PCDHGB6: variants seen among roughly 807,000 people sequenced by gnomAD.
The protein encoded by PCDHGB6 is protocadherin gamma-B6.
PCDHGB6 carries 51 observed loss-of-function variants against 59.1 expected under a neutral mutation model. That is an observed-to-expected ratio of 0.86 (90% CI 0.69 to 1.09). The LOEUF is 1.09. Ranked by LOEUF, PCDHGB6 falls within the 50% of genes least tolerant of loss-of-function variation. The pLI is 0.00. For missense variants in PCDHGB6, 1,148 were observed against 1,205.1 expected (o/e 0.95, Z 0.70); for synonymous variants, 466 against 495.1 (o/e 0.94, Z 0.78).
chr5:141,511,462 C>T lies in PCDHGB6; in HGVS notation c.*289C>T, dbSNP rs1385398410. On this transcript the variant is annotated 3_prime_UTR_variant, in exon 4 of 4. Transcript: ENST00000520790. Reference sequence around the variant, plus strand: ...AGACACCAAGAACCATTTGCCACACCCCGTTTAGTTACAGCTGAACTCCTC... The same window carrying T: ...AGACACCAAGAACCATTTGCCACACTCCGTTTAGTTACAGCTGAACTCCTC... 5.4e-6 allele frequency: 3 copies of T among 556,350 alleles called. No individual in the cohort carries two copies. In the South Asian group the frequency reaches 6.3e-5, roughly 12 times the overall value. 34.5% of individuals were successfully genotyped at this position (556,350 alleles called of 1,614,324 possible).
At position 141,511,140 on chromosome 5, in the gene PCDHGB6, C is replaced by G. The variant is rs1405623579; in HGVS notation, c.2760C>G (p.Asn920Lys). Residue 920 changes from asparagine (N) to lysine (K), a missense_variant, in exon 4 of 4, where the codon AAC becomes AAG. Physicochemically the swap from Asn to Lys is moderately conservative, Grantham distance 94. Transcript: ENST00000520790. ...AGGCCCCAGCAGGTGGCAATGGCAACAAGAAGAAGTCGGGCAAGAAGGAGA... is the reference window on the plus strand; with the variant it reads ...AGGCCCCAGCAGGTGGCAATGGCAAGAAGAAGAAGTCGGGCAAGAAGGAGA... Reference protein sequence around the residue: ...DGKAPAGGNGNKKKSGKKEKK With the variant: ...DGKAPAGGNGKKKKSGKKEKK 2.5e-6 allele frequency: 4 copies of G among 1,614,068 alleles called. No homozygotes were observed. Among genetic ancestry groups the G allele is most frequent in the Admixed American group, 1.7e-5 (1 of 60,008 alleles).
intron 1 of PCDHGB6, among the ~76,000 whole-genome samples, chr5:141,450,145 T>A (rs2098671113): frequency 6.6e-6 from 1 of 151,890 alleles, no homozygotes; most frequent in South Asian, 2.1e-4. Flanking sequence ...TAGCTGGGAC[T>A]ACAGGCATGT....
chr5:141,426,491 G>A, intron 1 of PCDHGB6: 1 of 336,822 alleles, frequency 3.0e-6, no homozygotes, highest in South Asian at 2.4e-5. Flanking sequence ...CTTAGAGTTA[G>A]TGCAGAGAAA....
At chr5:141,480,205 A>G (rs2099514310) in intron 1 of PCDHGB6, among the ~76,000 whole-genome samples, 1 of 151,108 alleles carries the variant, frequency 6.6e-6, no homozygotes, top group Admixed American at 6.6e-5. Flanking sequence ...GCAGTTCAAG[A>G]CCAGCCTGAG....
chr5:141,492,396 A>G (rs1400291073), intron 1 of PCDHGB6, among the ~76,000 whole-genome samples: 1 of 152,188 alleles, frequency 6.6e-6, no homozygotes, highest in Non-Finnish European at 1.5e-5. Flanking sequence ...GTCCACTCGC[A>G]GCTCCCCTCT....
intron 1 of PCDHGB6, chr5:141,423,851 C>A (rs1311833319): frequency 2.4e-6 from 3 of 1,275,940 alleles, no homozygotes; most frequent in East Asian, 3.1e-5. Context: ...TCTTTCAGAA[C>A]GTTTTTGTGA....
intron 1 of PCDHGB6, among the ~76,000 whole-genome samples, chr5:141,433,974 C>A (rs1045247496): frequency 6.6e-6 from 1 of 152,026 alleles, no homozygotes; most frequent in Non-Finnish European, 1.5e-5. Context: ...GGCTTTCTAC[C>A]TTGAAGAAGA....
In PCDHGB6 at chr5:141,415,309, G is replaced by C. The variant is rs199689792; in HGVS notation, c.2418+4689G>C. 3.4e-5 allele frequency: 55 copies of C among 1,614,098 alleles called. No homozygotes were observed. Among genetic ancestry groups the C allele is most frequent in the Middle Eastern group, 1.6e-4 (1 of 6,084 alleles). On this transcript the variant is annotated intron_variant, in intron 1 of 3. Transcript: ENST00000520790. ...GGTCTCCTGCGTCTTCCTGGCCTTC[G>C]TCATCGTGCTGCTGGCGCACAGGCT...
chr5:141,433,837 CAAA>C (rs56191208), intron 1 of PCDHGB6, among the ~76,000 whole-genome samples: 5 of 111,684 alleles, frequency 4.5e-5, no homozygotes, highest in Admixed American at 2.0e-4. Flanking sequence ...AACTCTATCT[CAAA>C]AAAAAAAAAA....
At chr5:141,466,104 AGAGT>A (rs2154569127) in intron 1 of PCDHGB6, among the ~76,000 whole-genome samples, 1 of 152,144 alleles carries the variant, frequency 6.6e-6, no homozygotes, top group Admixed American at 6.5e-5. Flanking sequence ...CCTGGGCAAC[AGAGT>A]GAGACTCCAG....
Position 141,409,776 on chromosome 5 carries a change from T to C in PCDHGB6, c.1574T>C (p.Leu525Pro). The C allele has an allele frequency of 6.2e-7, 1 of 1,612,708 alleles. No homozygotes were observed. Among genetic ancestry groups the C allele is most frequent in the Non-Finnish European group, 8.5e-7 (1 of 1,179,694 alleles). The change falls in exon 1 of 4, where the codon CTG (leucine) becomes CCG (proline). Residue 525 changes from leucine (L) to proline (P), a missense_variant. By Grantham distance (98) the Leu-to-Pro change is moderately conservative. This residue lies in a region of PCDHGB6 where 549 missense variants were observed against 527.5 expected (regional missense o/e 1.04). Coordinates refer to ENST00000520790, the MANE Select transcript of PCDHGB6 (RefSeq NM_018926.3). ...CAGCGCGCCTTTGATCACGAGCAGC[T>C]GCGCGCCTTCGCGCTCACGCTGCAG... ...FAQRAFDHEQ[L>P]RAFALTLQAR...
intron 2 of PCDHGB6, among the ~76,000 whole-genome samples, chr5:141,501,075 A>C (rs980856799): frequency 6.6e-6 from 1 of 151,366 alleles, no homozygotes; most frequent in African/African-American, 2.4e-5. Context: ...CACCATGTTG[A>C]CCAGGATGGT....
chr5:141,434,132 G>A (rs2097674012), intron 1 of PCDHGB6, among the ~76,000 whole-genome samples: 1 of 152,194 alleles, frequency 6.6e-6, no homozygotes, highest in South Asian at 2.1e-4. Context: ...CCTTTAGGCT[G>A]ATTTCTATGT....
At chr5:141,463,075 A>G (rs943294678) in intron 1 of PCDHGB6, among the ~76,000 whole-genome samples, 3 of 152,180 alleles carry the variant, frequency 2.0e-5, no homozygotes, top group East Asian at 1.9e-4. Context: ...ATGAAATTCA[A>G]ACATTTTCCA....
rs766042374 is a variant in PCDHGB6 at position 141,418,520 on chromosome 5, C to A, written c.2418+7900C>A. ...GACCGCCTTAGATGGTGGGGACCCTCCCCGAAGCGGTACTGCTCAGATAAG... is the reference window on the plus strand; with the variant it reads ...GACCGCCTTAGATGGTGGGGACCCTACCCGAAGCGGTACTGCTCAGATAAG... On this transcript the variant is annotated intron_variant, in intron 1 of 3. Transcript: ENST00000520790. 6 of 1,613,818 alleles carry A rather than the reference C, an allele frequency of 3.7e-6. No individual in the cohort carries two copies. The highest frequency in any genetic ancestry group is 5.1e-6 in the Non-Finnish European group (6 of 1,179,890).
rs758172004 is a variant in PCDHGB6, at chr5:141,477,909, C to T, written c.2419-16898C>T. On this transcript the variant is annotated intron_variant, in intron 1 of 3. Transcript: ENST00000520790. This position sits in a 1 kb window ranked among gnomAD's most constrained non-coding sequence, Gnocchi z 4.9. ...GTGTCACGGGTGGTAGGCTGGGACGCGGATGCAGGGCACAATGCCTGGCTC... is the reference window on the plus strand; with the variant it reads ...GTGTCACGGGTGGTAGGCTGGGACGTGGATGCAGGGCACAATGCCTGGCTC... 2 of 1,614,166 alleles carry T rather than the reference C, an allele frequency of 1.2e-6. No individual in the cohort carries two copies. Among genetic ancestry groups the T allele is most frequent in the Admixed American group, 1.7e-5 (1 of 60,016 alleles).
chr5:141,486,474 C>G lies in PCDHGB6; in HGVS notation c.2419-8333C>G. ...ACTGCTTCTGATGCTGGGAACCCTC[C>G]TCTCAGTACCCACAGAACTATTTTC... On this transcript the variant is annotated intron_variant, in intron 1 of 3. Transcript: ENST00000520790. The surrounding 1 kb of genome is among the most constrained non-coding windows in gnomAD (Gnocchi z 5.0). The G allele has an allele frequency of 6.2e-7, 1 of 1,614,016 alleles. No individual in the cohort carries two copies. Among genetic ancestry groups the G allele is most frequent in the Non-Finnish European group, 8.5e-7 (1 of 1,179,822 alleles).
intron 1 of PCDHGB6, chr5:141,441,971 G>C: frequency 3.3e-6 from 1 of 298,820 alleles, no homozygotes; most frequent in Admixed American, 4.4e-5. Flanking sequence ...AGGCTCTTCA[G>C]CCTGGAATGC....
chr5:141,413,381 G>A, intron 1 of PCDHGB6: 1 of 1,613,946 alleles, frequency 6.2e-7, no homozygotes, highest in Non-Finnish European at 8.5e-7. Flanking sequence ...CGCGGAGTCC[G>A]CATAGTCTCC....
Sources: gnomAD v4.1 joint callset for allele counts (sites outside exome capture counted in the v4.1 genomes callset) on GRCh38, gnomAD v4.1.1 for gene constraint, gnomAD v4.1.1 regional missense constraint, Gnocchi (gnomAD v3.1) non-coding constraint, MANE v1.5 for transcripts, NCBI Gene and HGNC (gene_info 2026-07-23, HGNC 2026-07-21) for gene names.